AFF3: variants seen among roughly 807,000 people sequenced by gnomAD.
AFF3 encodes the protein AF4/FMR2 family member 3.
Under a neutral mutation model 129.7 loss-of-function variants are expected in AFF3, and 32 were observed. The ratio of observed to expected loss-of-function variants is 0.25; its 90% CI spans 0.19 to 0.33. AFF3 has a LOEUF of 0.33. Ranked by LOEUF, AFF3 falls within the 10% of genes least tolerant of loss-of-function variation. AFF3 has a pLI of 1.00. For missense variants in AFF3, 1,373 were observed against 1,592.0 expected (o/e 0.86, Z 2.34); for synonymous variants, 644 against 635.4 (o/e 1.01, Z -0.20).
At chr2:99,576,026 A>G (rs745918357) in intron 18 of AFF3, among the ~76,000 whole-genome samples, 2 of 148,694 alleles carry the variant, frequency 1.3e-5, no homozygotes, top group Non-Finnish European at 3.0e-5. Flanking sequence ...CCTGGACAAC[A>G]TAGTGAGACA....
At chr2:99,672,972 C>T (rs1214074007) in intron 11 of AFF3, among the ~76,000 whole-genome samples, 3 of 151,942 alleles carry the variant, frequency 2.0e-5, no homozygotes, top group African/African-American at 4.8e-5. Context: ...CCTAGTTACC[C>T]TGATTTGATC....
intron 7 of AFF3, among the ~76,000 whole-genome samples, chr2:99,961,016 C>G (rs1677164248): frequency 6.6e-6 from 1 of 152,192 alleles, no homozygotes; most frequent in South Asian, 2.1e-4. Flanking sequence ...TCTGTTTTCT[C>G]AAAACTGGAA....
In AFF3 at chr2:99,607,339, C is replaced by T. The variant is rs1156273583; in HGVS notation, c.1185-5718G>A. Among the ~76,000 whole-genome samples, 6 of 151,674 alleles carry T rather than the reference C, an allele frequency of 4.0e-5. No individual in the cohort carries two copies. The East Asian group carries it at 7.7e-4, about 20-fold the overall frequency. On this transcript the variant is annotated intron_variant, in intron 13 of 24. Coordinates refer to ENST00000672756, the MANE Select transcript of AFF3 (RefSeq NM_001386135.1). Reference sequence around the variant, plus strand: ...CAAGGTCAAGAGTTTGAGACCAGCCCGGCCAACATAGTAAAACCCCGTCTC... The same window carrying T: ...CAAGGTCAAGAGTTTGAGACCAGCCTGGCCAACATAGTAAAACCCCGTCTC...
chr2:99,587,167 T>C lies in AFF3; in HGVS notation c.2578A>G (p.Met860Val), dbSNP rs758478964. The C allele has an allele frequency of 7.4e-6, 12 of 1,614,176 alleles. No individual in the cohort carries two copies. The South Asian group carries it at 1.1e-4, about 15-fold the overall frequency. ...SNTLSANHCN[M>V]NINSVAIPIN... ...GAATGCACGTACCTGTTGATGTTCA[T>C]GTTGCAGTGGTTTGCAGACAAAGTA... Residue 860 changes from methionine (M) to valine (V), a missense_variant, in exon 16 of 25, where the codon ATG becomes GTG. Met to Val is a conservative substitution (Grantham distance 21, BLOSUM62 1). Transcript: ENST00000672756.
intron 7 of AFF3, among the ~76,000 whole-genome samples, chr2:99,874,138 C>A (rs533419097): frequency 6.6e-6 from 1 of 152,276 alleles, no homozygotes; most frequent in East Asian, 1.9e-4. Flanking sequence ...GATCGCGCCA[C>A]TGCACTCCAG....
At chr2:100,059,944 G>C (rs1428876231) in intron 4 of AFF3, among the ~76,000 whole-genome samples, 9 of 151,992 alleles carry the variant, frequency 5.9e-5, no homozygotes, top group Non-Finnish European at 1.2e-4. Context: ...GTGTCTTTAA[G>C]ATCACAGATA....
intron 11 of AFF3, among the ~76,000 whole-genome samples, chr2:99,674,643 G>T (rs6710594): frequency 2.6e-5 from 4 of 151,924 alleles, no homozygotes; most frequent in Admixed American, 6.6e-5. Flanking sequence ...GAGTGGGGAG[G>T]ACTCACACAA....
intron 8 of AFF3, among the ~76,000 whole-genome samples, chr2:99,779,781 A>G (rs1684244364): frequency 6.6e-6 from 1 of 152,136 alleles, no homozygotes; most frequent in South Asian, 2.1e-4. Context: ...TCTGTTTCTG[A>G]GCACACAGTT....
At chr2:99,687,901 G>A (rs1167210074) in intron 11 of AFF3, among the ~76,000 whole-genome samples, 1 of 152,118 alleles carries the variant, frequency 6.6e-6, no homozygotes, top group South Asian at 2.1e-4. Flanking sequence ...GGAGTGCAGC[G>A]GCGTGATCTC....
At chr2:99,586,354 C>T (rs12464362) in intron 16 of AFF3, among the ~76,000 whole-genome samples, 25,601 of 152,156 alleles carry the variant, frequency 0.17, 2,297 homozygotes, top group South Asian at 0.22. Flanking sequence ...TGTGTGTGTG[C>T]ACCCTCACCC....
intron 7 of AFF3, among the ~76,000 whole-genome samples, chr2:99,996,676 A>G (rs1482325594): frequency 6.6e-6 from 1 of 151,806 alleles, no homozygotes; most frequent in Non-Finnish European, 1.5e-5. Flanking sequence ...CACCGCGCCC[A>G]GCCCTTCTTT....
intron 7 of AFF3, among the ~76,000 whole-genome samples, chr2:99,927,176 G>A (rs1056287326): frequency 2.6e-5 from 4 of 152,178 alleles, no homozygotes; most frequent in Non-Finnish European, 5.9e-5. Context: ...CTTAGGAGAT[G>A]AGCAATTAAA....
At chr2:100,127,681 G>C (rs945348140) in intron 2 of AFF3, among the ~76,000 whole-genome samples, 3 of 152,224 alleles carry the variant, frequency 2.0e-5, no homozygotes, top group African/African-American at 7.2e-5. Context: ...GGCCTGGAGA[G>C]CTCCCAGGAT....
chr2:100,037,694 T>TTTATATA (rs1165114525), intron 4 of AFF3, among the ~76,000 whole-genome samples: 1 of 123,510 alleles, frequency 8.1e-6, no homozygotes, highest in East Asian at 2.1e-4. Context: ...ATATTTATAT[T>TTTATATA]TTATATATTA....
chr2:100,031,554 A>G (rs1451334199), intron 4 of AFF3, among the ~76,000 whole-genome samples: 3 of 152,236 alleles, frequency 2.0e-5, no homozygotes, highest in Non-Finnish European at 2.9e-5. Context: ...CATTTCTAAT[A>G]GAACCAGGGC....
intron 15 of AFF3, among the ~76,000 whole-genome samples, chr2:99,588,788 T>A (rs956052995): frequency 2.0e-5 from 3 of 152,098 alleles, no homozygotes; most frequent in African/African-American, 7.2e-5. Context: ...CTCCACAAAT[T>A]TGACAGCCAG....
At chr2:99,636,402 G>T (rs1683657198) in intron 13 of AFF3, among the ~76,000 whole-genome samples, 1 of 152,170 alleles carries the variant, frequency 6.6e-6, no homozygotes, top group Non-Finnish European at 1.5e-5. Flanking sequence ...AATAGAAAAA[G>T]GGGCCATGGA....
At chr2:100,113,723 T>G (rs1367196332) in intron 2 of AFF3, among the ~76,000 whole-genome samples, 1 of 152,116 alleles carries the variant, frequency 6.6e-6, no homozygotes, top group Non-Finnish European at 1.5e-5. Flanking sequence ...TTGGGTTGGG[T>G]CTAACGGAAT....
At chr2:99,718,057 G>A (rs955026206) in intron 11 of AFF3, among the ~76,000 whole-genome samples, 3 of 152,154 alleles carry the variant, frequency 2.0e-5, no homozygotes, top group Non-Finnish European at 2.9e-5. Context: ...GTGCCACACT[G>A]TCTTAAATTA....
Sources: gnomAD v4.1 joint callset for allele counts (sites outside exome capture counted in the v4.1 genomes callset) on GRCh38, gnomAD v4.1.1 for gene constraint, MANE v1.5 for transcripts, NCBI Gene and HGNC (gene_info 2026-07-23, HGNC 2026-07-21) for gene names.